The following ANO7 variants were observed in gnomAD, a reference collection of about 807,000 sequenced individuals.
ANO7 encodes anoctamin 7, also known as anoctamin-7.
A neutral mutation model predicts 115.8 loss-of-function variants in ANO7; 114 were observed. The ratio of observed to expected loss-of-function variants is 0.98; its 90% CI spans 0.85 to 1.15. The LOEUF is 1.15. Among genes scored for constraint, ANO7 ranks in the 50% most tolerant of loss-of-function variants. The probability of loss-of-function intolerance (pLI) is 0.00; values close to 1 mark genes in which losing one functional copy is unlikely to be tolerated. For missense variants in ANO7, 1,302 were observed against 1,201.2 expected (o/e 1.08, Z -1.24); for synonymous variants, 550 against 498.2 (o/e 1.10, Z -1.38).
At chr2:241,210,607 G>A (rs748731397) in intron 15 of ANO7, 37 bp downstream of exon 15, 1 of 1,574,148 alleles carries the variant, frequency 6.4e-7, no homozygotes, top group Non-Finnish European at 8.7e-7. Flanking sequence ...CTGACCAGGG[G>A]CCCACCCTGC....
rs1185349648 is a variant in ANO7, at chr2:241,225,369, C to T, written c.*1216C>T. ...TGAAACCCTGTCTTTACTAAAAATG[C>T]AAAAATTATTCTGGGTGTGGTGGCG... On this transcript the variant is annotated 3_prime_UTR_variant, in exon 25 of 25. Transcript: ENST00000674324. 1.3e-5 allele frequency: 2 copies of T among 151,944 alleles called. No homozygotes were observed. Among genetic ancestry groups the T allele is most frequent in the African/African-American group, 2.4e-5 (1 of 41,316 alleles). 9.4% of individuals were successfully genotyped at this position (151,944 alleles called of 1,614,324 possible).
intron 15 of ANO7, among the ~76,000 whole-genome samples, chr2:241,211,327 T>C (rs1349861995): frequency 1.5e-5 from 1 of 67,552 alleles, no homozygotes; most frequent in South Asian, 2.9e-4. Context: ...TCCTCTCCCA[T>C]CGGTCTTTTT....
chr2:241,201,469 C>A, intron 7 of ANO7, 114 bp downstream of exon 7: 1 of 1,202,902 alleles, frequency 8.3e-7, no homozygotes, highest in Non-Finnish European at 1.2e-6. Flanking sequence ...AGGGCCGAGG[C>A]CTGGAGCCCG....
intron 13 of ANO7, 152 bp downstream of exon 13, chr2:241,209,787 C>T (rs2068679301): frequency 2.5e-6 from 3 of 1,217,052 alleles, no homozygotes; most frequent in Non-Finnish European, 2.2e-6. Context: ...TGTGCCCGGG[C>T]TCGGCCGTGG....
the ANO7 span, chr2:241,235,041 A>C: frequency 6.5e-7 from 1 of 1,542,590 alleles, no homozygotes; most frequent in Non-Finnish European, 8.8e-7. Context: ...TGGGATCCTG[A>C]AGAACTTCCC....
intron 21 of ANO7, among the ~76,000 whole-genome samples, chr2:241,222,543 A>T (rs955085395): frequency 6.7e-6 from 1 of 149,130 alleles, no homozygotes; most frequent in Non-Finnish European, 1.5e-5. Flanking sequence ...CATTTGAGGG[A>T]TTTTTTTTCC....
intron 19 of ANO7, 146 bp from the exon 20 acceptor site, chr2:241,217,540 G>A: frequency 2.1e-6 from 2 of 955,240 alleles, no homozygotes; most frequent in Non-Finnish European, 1.6e-6. Flanking sequence ...CGCGGTCCAG[G>A]ACGAGGGAGA....
At chr2:241,223,872 C>G (rs774952204) in intron 23 of ANO7, 33 bp from the exon 24 acceptor site, 1 of 1,614,102 alleles carries the variant, frequency 6.2e-7, no homozygotes, top group Non-Finnish European at 8.5e-7. Flanking sequence ...GAGTCACATC[C>G]CTCTTCCTCT....
downstream of ANO7, chr2:241,229,768 G>A (rs1369919442): frequency 6.3e-7 from 1 of 1,597,642 alleles, no homozygotes; most frequent in Non-Finnish European, 8.5e-7. Context: ...CCACCCTCAG[G>A]ACACCAAGCC....
Position 241,214,913 on chromosome 2 carries a change from C to CA in ANO7, c.1826+12dup, listed in dbSNP as rs1559453442. 1 of 1,610,568 alleles carries CA rather than the reference C, an allele frequency of 6.2e-7. No homozygotes were observed. Among genetic ancestry groups the CA allele is most frequent in the Admixed American group, 1.7e-5 (1 of 59,966 alleles). ...GGAGGTCCTCATCCCGTGAGTCCCC[C>CA]ACTCCTCCCTGGGTGGCATCCAAGG... On this transcript the variant is annotated intron_variant, in intron 18 of 24. Coordinates refer to ENST00000674324, the MANE Select transcript of ANO7 (RefSeq NM_001370694.2).
chr2:241,209,171 C>T, intron 11 of ANO7, 114 bp from the exon 12 acceptor site: 1 of 1,259,138 alleles, frequency 7.9e-7, no homozygotes, highest in Non-Finnish European at 1.1e-6. Flanking sequence ...AAAAAATACA[C>T]AGTCGGGGGA....
intron 16 of ANO7, 141 bp downstream of exon 16, chr2:241,212,346 G>T: frequency 1.1e-6 from 1 of 948,000 alleles, no homozygotes; most frequent in Non-Finnish European, 1.6e-6. Flanking sequence ...AGGGGACAGG[G>T]GCCCATGCCT....
the ANO7 span, chr2:241,238,694 C>G: frequency 6.3e-7 from 1 of 1,588,858 alleles, no homozygotes; most frequent in Non-Finnish European, 8.6e-7. This position sits in a 1 kb window ranked among gnomAD's most constrained non-coding sequence, Gnocchi z 4.9. Flanking sequence ...ACACTGAAAT[C>G]CCGAGTAATC....
chr2:241,190,076 C>A lies in ANO7; in HGVS notation c.13C>A (p.Arg5=). The A allele has an allele frequency of 1.3e-6, 2 of 1,577,854 alleles. No individual in the cohort carries two copies. The highest frequency in any genetic ancestry group is 1.7e-6 in the Non-Finnish European group (2 of 1,162,150). The change falls in exon 2 of 25, where the codon CGG becomes AGG. Residue 5 remains arginine (R), a synonymous_variant. Transcript: ENST00000674324. The part of the protein sequence containing the change: MLRR[R]AQEEDSTVLI... ...GTGCAGGAGCAGGATGCTGCGGCGA[C>A]GGGCCCAGGAAGAGGACAGCACCGT...
chr2:241,212,460 C>A, intron 16 of ANO7, 112 bp from the exon 17 acceptor site: 1 of 1,213,724 alleles, frequency 8.2e-7, no homozygotes, highest in Non-Finnish European at 1.2e-6. Context: ...CGCCACAGTT[C>A]GTGCTTCCTC....
Position 241,204,594 on chromosome 2 carries a change from G to A in ANO7, c.890-271G>A, listed in dbSNP as rs113870213. 0.053 allele frequency among the ~76,000 whole-genome samples: 8,093 copies of A among 152,230 alleles called. 324 individuals carry two copies. The highest frequency in any genetic ancestry group is 0.07 in the Non-Finnish European group (4,791 of 67,986). On this transcript the variant is annotated intron_variant, in intron 9 of 24. Transcript: ENST00000674324. ...CTGGCTGAGGAGAAGGCATCCAGAG[G>A]TGGAGAGCCTGGTGGGCTGGAGCCC...
At chr2:241,238,780 T>A in the ANO7 span, 3 of 1,507,810 alleles carry the variant, frequency 2.0e-6, no homozygotes, top group Non-Finnish European at 2.7e-6. The surrounding 1 kb of genome is among the most constrained non-coding windows in gnomAD (Gnocchi z 4.9). Flanking sequence ...TAATGTCACC[T>A]GAGCTTCCTG....
chr2:241,205,172 C>A (rs985577749), intron 10 of ANO7, among the ~76,000 whole-genome samples: 4 of 151,816 alleles, frequency 2.6e-5, no homozygotes, highest in Non-Finnish European at 5.9e-5. Flanking sequence ...CCCAGGCTGA[C>A]AGGTGGACAG....
At position 241,188,959 on chromosome 2, in the gene ANO7, C is replaced by T. The variant is rs560843336; in HGVS notation, c.-8+193C>T. 9.8e-5 allele frequency among the ~76,000 whole-genome samples: 15 copies of T among 152,320 alleles called. No individual in the cohort carries two copies. The highest frequency in any genetic ancestry group is 3.4e-3 in the Middle Eastern group (1 of 294). ...GACACACACTCAGTGCGGCTCTGGACGGGGTACACCCAGCTGGGGTTGGCT... is the reference window on the plus strand; with the variant it reads ...GACACACACTCAGTGCGGCTCTGGATGGGGTACACCCAGCTGGGGTTGGCT... On this transcript the variant is annotated intron_variant, in intron 1 of 24. Coordinates refer to ENST00000674324, the MANE Select transcript of ANO7 (RefSeq NM_001370694.2). This position sits in a 1 kb window ranked among gnomAD's most constrained non-coding sequence, Gnocchi z 4.3.
Sources: allele counts gnomAD v4.1 joint callset (sites outside exome capture counted in the v4.1 genomes callset), GRCh38; gene constraint gnomAD v4.1.1; non-coding constraint Gnocchi (gnomAD v3.1); transcripts MANE v1.5; gene names NCBI Gene and HGNC (gene_info 2026-07-23, HGNC 2026-07-21).